The following DTNA variants were observed in gnomAD, a reference collection of about 807,000 sequenced individuals.
The protein encoded by DTNA is dystrophin-related protein 3.
DTNA carries 43 observed loss-of-function variants against 100.7 expected under a neutral mutation model. That is an observed-to-expected ratio of 0.43 (90% CI 0.33 to 0.55). The LOEUF is 0.55. Ranked by LOEUF, DTNA falls within the 20% of genes least tolerant of loss-of-function variation. The pLI, the probability that DTNA is intolerant of heterozygous loss-of-function variation, is 0.04. For missense variants in DTNA, 798 were observed against 953.9 expected (o/e 0.84, Z 2.15); for synonymous variants, 349 against 347.9 (o/e 1.00, Z -0.04).
Position 34,666,495 on chromosome 18 carries a change from C to T in DTNA, c.-1-89481C>T, listed in dbSNP as rs1010316630. Among the ~76,000 whole-genome samples the T allele has an allele frequency of 2.7e-4, 41 of 151,822 alleles. 1 individual carries two copies. The highest frequency in any genetic ancestry group is 2.9e-5 in the Non-Finnish European group (2 of 67,954). The stretch of plus-strand genomic sequence containing the variant: ...GGTGTTTTAGACATGAAGTCCTTGC[C>T]CATGCCTATGTCCTGAATGGTATTG... On this transcript the variant is annotated intron_variant, in intron 1 of 19. Coordinates refer to the DTNA transcript ENST00000283365.
At chr18:34,800,352 T>C (rs1161501811) in intron 4 of DTNA, among the ~76,000 whole-genome samples, 1 of 152,180 alleles carries the variant, frequency 6.6e-6, no homozygotes, top group Non-Finnish European at 1.5e-5. Context: ...CTCCAACATG[T>C]TGTGAGCAAA....
intron 1 of DTNA, among the ~76,000 whole-genome samples, chr18:34,610,826 G>A (rs975385050): frequency 2.0e-5 from 3 of 152,170 alleles, no homozygotes; most frequent in Non-Finnish European, 4.4e-5. Flanking sequence ...GCCTAGGATT[G>A]TTAAAAAGAT....
At chr18:34,646,845 C>T (rs1466827319) in intron 1 of DTNA, among the ~76,000 whole-genome samples, 1 of 151,880 alleles carries the variant, frequency 6.6e-6, no homozygotes, top group Admixed American at 6.6e-5. Context: ...CCTCCTGAGT[C>T]ACTGGGATTA....
chr18:34,886,925 T>C lies in DTNA; in HGVS notation c.*32-841T>C, dbSNP rs117028834. 5.7e-3 allele frequency among the ~76,000 whole-genome samples: 873 copies of C among 152,356 alleles called. 3 individuals are homozygous for C. Among genetic ancestry groups the C allele is most frequent in the Non-Finnish European group, 9.7e-3 (660 of 68,034 alleles). ...TGCAGGTGCATTTTAGGCCAGTTTA[T>C]TTCATTAAAATATTTTTGTTTAGAC... On this transcript the variant is annotated intron_variant, in intron 22 of 22. Coordinates refer to ENST00000444659, the MANE Select transcript of DTNA (RefSeq NM_001386795.1).
chr18:34,659,541 C>G (rs1298701336), intron 1 of DTNA, among the ~76,000 whole-genome samples: 1 of 152,018 alleles, frequency 6.6e-6, no homozygotes, highest in African/African-American at 2.4e-5. Context: ...GATATTTCAG[C>G]TCTCAGTTTG....
chr18:34,821,588 A>G (rs2095719124), intron 9 of DTNA: 1 of 444,978 alleles, frequency 2.2e-6, no homozygotes. Context: ...GGTGGCCAAG[A>G]TAACAAGGGG....
chr18:34,850,237 A>G (rs528211181), intron 14 of DTNA, among the ~76,000 whole-genome samples: 116 of 152,346 alleles, frequency 7.6e-4, no homozygotes, highest in Non-Finnish European at 1.0e-3. Flanking sequence ...TTCCTGATCA[A>G]TTAATATACA....
At chr18:34,681,369 GATATA>G (rs2078074808) in intron 1 of DTNA, among the ~76,000 whole-genome samples, 1 of 152,030 alleles carries the variant, frequency 6.6e-6, no homozygotes, top group South Asian at 2.1e-4. Flanking sequence ...AAGACATTGA[GATATA>G]ATATACATAC....
At chr18:34,522,199 A>C (rs1441815236) in intron 1 of DTNA, among the ~76,000 whole-genome samples, 1 of 152,156 alleles carries the variant, frequency 6.6e-6, no homozygotes, top group Admixed American at 6.6e-5. Context: ...CCATGCCTAG[A>C]TCAGTTTAGT....
chr18:34,879,457 C>A, intron 19 of DTNA, 94 bp from the exon 20 acceptor site: 1 of 1,255,980 alleles, frequency 8.0e-7, no homozygotes, highest in Non-Finnish European at 1.2e-6. Context: ...ACATTTTACA[C>A]AGCACAGGTT....
intron 1 of DTNA, among the ~76,000 whole-genome samples, chr18:34,672,087 C>T (rs1342732271): frequency 6.6e-6 from 1 of 152,118 alleles, no homozygotes; most frequent in East Asian, 1.9e-4. Context: ...AGACAAAAGA[C>T]TGCACTTGGG....
chr18:34,742,629 T>TTCTATTATCTATCTAGATAGATAGACAA (rs2090880815), intron 1 of DTNA, among the ~76,000 whole-genome samples: 2 of 137,690 alleles, frequency 1.5e-5, no homozygotes, highest in African/African-American at 5.6e-5. Flanking sequence ...TCTGATTATC[T>TTCTATTATCTATCTAGATAGATAGACAA]TCTATTATCT....
rs796984352 is a variant in DTNA at position 34,742,056 on chromosome 18, G to A, written c.-1-13920G>A. On this transcript the variant is annotated intron_variant, in intron 1 of 22. Coordinates refer to ENST00000444659, the MANE Select transcript of DTNA (RefSeq NM_001386795.1). ...AGGAATCACAGTAGGCCTGTCTAAAGGATATTTAGGAGGTAGTAGAGTCTA... is the reference window on the plus strand; with the variant it reads ...AGGAATCACAGTAGGCCTGTCTAAAAGATATTTAGGAGGTAGTAGAGTCTA... 3.9e-5 allele frequency among the ~76,000 whole-genome samples: 6 copies of A among 152,148 alleles called. No homozygotes were observed. The South Asian group carries it at 1.0e-3, about 26-fold the overall frequency.
intron 21 of DTNA, 71 bp downstream of exon 21, chr18:34,882,272 G>T: frequency 6.3e-7 from 1 of 1,584,484 alleles, no homozygotes; most frequent in Non-Finnish European, 8.6e-7. Context: ...TCTTTGACAT[G>T]ACTTGCAGAA....
intron 1 of DTNA, among the ~76,000 whole-genome samples, chr18:34,523,883 C>T (rs575664742): frequency 3.0e-4 from 45 of 152,206 alleles, no homozygotes; most frequent in African/African-American, 1.0e-3. Context: ...TTAAATCTGG[C>T]AATGGAGACT....
chr18:34,694,697 G>A (rs1278862090), intron 1 of DTNA, among the ~76,000 whole-genome samples: 2 of 151,720 alleles, frequency 1.3e-5, no homozygotes, highest in African/African-American at 4.8e-5. Context: ...TTTTATGAAC[G>A]GGTTTTTATT....
chr18:34,604,118 A>G (rs1051870058), intron 1 of DTNA, among the ~76,000 whole-genome samples: 1 of 152,170 alleles, frequency 6.6e-6, no homozygotes, highest in Non-Finnish European at 1.5e-5. Flanking sequence ...AACTCCATTC[A>G]AAGAAAATCC....
In DTNA at chr18:34,579,851, T is replaced by C. The variant is rs3980413; in HGVS notation, c.-2+86337T>C. Among the ~76,000 whole-genome samples the C allele has an allele frequency of 2.6e-3, 392 of 152,272 alleles. 2 individuals are homozygous for C. Among genetic ancestry groups the C allele is most frequent in the African/African-American group, 9.0e-3 (374 of 41,568 alleles). ...AACTTTCTTCATACATGGGTTGATA[T>C]CTTTTACCAGTTTTGGAAATTGTTC... On this transcript the variant is annotated intron_variant, in intron 1 of 19. Coordinates refer to the DTNA transcript ENST00000283365.
intron 1 of DTNA, among the ~76,000 whole-genome samples, chr18:34,648,014 T>C (rs2060043284): frequency 6.6e-6 from 1 of 152,210 alleles, no homozygotes; most frequent in South Asian, 2.1e-4. Flanking sequence ...GGAAATAATA[T>C]TGACATTAAA....
Sources: gnomAD v4.1 joint callset for allele counts (sites outside exome capture counted in the v4.1 genomes callset) on GRCh38, gnomAD v4.1.1 for gene constraint, MANE v1.5 for transcripts, NCBI Gene and HGNC (gene_info 2026-07-23, HGNC 2026-07-21) for gene names.